Variants in ZFYVE9 observed in about 807,000 individuals in gnomAD.
ZFYVE9 encodes zinc finger FYVE domain-containing protein 9.
In ZFYVE9, 43 loss-of-function variants were observed where a neutral mutation model predicts 126.7. The observed-to-expected ratio is 0.34, with a 90% CI of 0.27 to 0.44. ZFYVE9 has a LOEUF of 0.44. ZFYVE9 is among the 20% of genes least tolerant of loss of function. The probability of loss-of-function intolerance (pLI) is 1.00; values close to 1 mark genes in which losing one functional copy is unlikely to be tolerated. For missense variants in ZFYVE9, 1,476 were observed against 1,697.0 expected, an observed-to-expected ratio of 0.87 and a Z score of 2.29; for synonymous variants, 521 against 597.4, an observed-to-expected ratio of 0.87 and a Z score of 1.87.
At chr1:52,179,312 C>T (rs550365801) in intron 1 of ZFYVE9, among the ~76,000 whole-genome samples, 1 of 152,248 alleles carries the variant, frequency 6.6e-6, no homozygotes, top group Non-Finnish European at 1.5e-5. Context: ...GACAAGAGGT[C>T]ATGAGAGAGA....
At chr1:52,253,886 A>G (rs1203620787) in intron 4 of ZFYVE9, 10 of 1,154,760 alleles carry the variant, frequency 8.7e-6, no homozygotes, top group East Asian at 2.3e-5. Context: ...GATGAAAGCT[A>G]TACTCCAAGC....
intron 1 of ZFYVE9, among the ~76,000 whole-genome samples, chr1:52,214,258 C>G (rs1462227900): frequency 1.3e-5 from 2 of 152,088 alleles, no homozygotes; most frequent in African/African-American, 4.8e-5. Context: ...GAAACCCTTT[C>G]TCTACTAAAC....
intron 2 of ZFYVE9, 49 bp from the exon 3 acceptor site, chr1:52,233,122 A>G: frequency 1.2e-6 from 1 of 862,546 alleles, no homozygotes; most frequent in Non-Finnish European, 1.6e-6. Flanking sequence ...CTTAAGATTT[A>G]TAAATTATAT....
intron 3 of ZFYVE9, among the ~76,000 whole-genome samples, chr1:52,235,966 C>G (rs1292928369): frequency 6.6e-6 from 1 of 152,098 alleles, no homozygotes; most frequent in African/African-American, 2.4e-5. Context: ...GCCGGAGAAC[C>G]TTAACTGTTG....
At chr1:52,260,186 T>C (rs1470294291) in intron 4 of ZFYVE9, among the ~76,000 whole-genome samples, 37 of 152,054 alleles carry the variant, frequency 2.4e-4, no homozygotes. Flanking sequence ...TCACCACCGT[T>C]AGATATTATC....
intron 1 of ZFYVE9, among the ~76,000 whole-genome samples, chr1:52,193,430 G>T (rs184113298): frequency 2.7e-5 from 4 of 150,830 alleles, no homozygotes; most frequent in African/African-American, 7.3e-5. Flanking sequence ...CACATGGCCG[G>T]GTGTGGTGGC....
In ZFYVE9 at chr1:52,337,914, TGAC is replaced by T. The variant is rs779834684; in HGVS notation, c.3814_3816del (p.Asp1272del). ...ACATCCACATCCAGTGGGTGGATGA[TGAC>T]AAGAACGTTAGCAAGGGGTAAATGC... is the stretch of plus-strand genomic sequence containing the variant. On this transcript the variant is annotated inframe_deletion, in exon 16 of 19. Transcript: ENST00000287727. The T allele has an allele frequency of 6.2e-7, 1 of 1,614,090 alleles. No individual in the cohort carries two copies. The highest frequency in any genetic ancestry group is 8.5e-7 in the Non-Finnish European group (1 of 1,180,046).
Position 52,238,071 on chromosome 1 carries a change from A to G in ZFYVE9, c.654A>G (p.Arg218=). ...NSEKQMDPLN[R]PKTEGRSVNH... ...AGAAACAAATGGATCCATTGAATAG[A>G]CCGAAAACAGAGGGGAGATCTGTTA... Residue 218 remains arginine (R), a synonymous_variant, in exon 4 of 19, where the codon AGA becomes AGG. Coordinates refer to ENST00000287727, the MANE Select transcript of ZFYVE9 (RefSeq NM_004799.4). The G allele has an allele frequency of 6.2e-7, 1 of 1,614,034 alleles. No individual in the cohort carries two copies. Among genetic ancestry groups the G allele is most frequent in the South Asian group, 1.1e-5 (1 of 91,084 alleles).
intron 1 of ZFYVE9, among the ~76,000 whole-genome samples, chr1:52,186,956 C>G (rs1175437997): frequency 6.6e-6 from 1 of 151,970 alleles, no homozygotes; most frequent in African/African-American, 2.4e-5. Context: ...CTACACAGAA[C>G]TAGAAAAAAA....
In ZFYVE9 at chr1:52,295,924, T is replaced by C; in HGVS notation, c.3280T>C (p.Phe1094Leu). The C allele has an allele frequency of 1.9e-6, 3 of 1,613,844 alleles. No homozygotes were observed. Among genetic ancestry groups the C allele is most frequent in the Non-Finnish European group, 2.5e-6 (3 of 1,179,856 alleles). ...TCCATGCCCACTATTCAGTGTCAGATTTCGGAAGCCATTGTTTGGAGAGAC... is the reference window on the plus strand; with the variant it reads ...TCCATGCCCACTATTCAGTGTCAGACTTCGGAAGCCATTGTTTGGAGAGAC... ...LYPCPLFSVR[F>L]RKPLFGETGH... Residue 1094 changes from phenylalanine (F) to leucine (L), a missense_variant, in exon 12 of 19, where the codon TTT becomes CTT. Phe to Leu is a conservative substitution (Grantham distance 22, BLOSUM62 0). Around this residue, in one of 2 missense-constraint regions of ZFYVE9, gnomAD observed 669 missense variants for 902.4 expected, o/e 0.74. Transcript: ENST00000287727.
rs35308713 is a variant in ZFYVE9 at position 52,323,895 on chromosome 1, C to CAAAAAAAA, written c.3439-8863_3439-8856dup. Among the ~76,000 whole-genome samples the CAAAAAAAA allele has an allele frequency of 1.6e-5, 2 of 126,098 alleles. 1 individual carries two copies. 82.7% of individuals were successfully genotyped at this position (126,098 alleles called of 152,430 possible). On this transcript the variant is annotated intron_variant, in intron 13 of 18. Transcript: ENST00000287727. ...GGTGAAACCCCGTCTCTACTAAATA[C>CAAAAAAAA]AAAAAAAAAAAAAAAAAGCCAGGCG...
chr1:52,168,214 CTTTT>C (rs139943554), intron 1 of ZFYVE9, among the ~76,000 whole-genome samples: 106 of 115,010 alleles, frequency 9.2e-4, no homozygotes, highest in African/African-American at 3.5e-3. Context: ...TCTTCGTCTT[CTTTT>C]TTTTTTTTTT....
At chr1:52,177,946 T>G (rs1572076982) in intron 1 of ZFYVE9, among the ~76,000 whole-genome samples, 3 of 151,108 alleles carry the variant, frequency 2.0e-5, no homozygotes, top group Admixed American at 1.3e-4. Flanking sequence ...GTAGTTTTGT[T>G]TTTTTTTTTT....
chr1:52,335,963 A>G (rs1646384711), intron 15 of ZFYVE9, among the ~76,000 whole-genome samples: 1 of 152,108 alleles, frequency 6.6e-6, no homozygotes, highest in Admixed American at 6.5e-5. Context: ...GTGAAACCCC[A>G]TCTCAACTAA....
At chr1:52,227,199 G>T (rs970860724) in intron 2 of ZFYVE9, among the ~76,000 whole-genome samples, 1 of 152,260 alleles carries the variant, frequency 6.6e-6, no homozygotes, top group African/African-American at 2.4e-5. Flanking sequence ...TTTCTCTTCA[G>T]TTGAGGGTGG....
At chr1:52,276,241 T>C (rs866235178) in intron 8 of ZFYVE9, among the ~76,000 whole-genome samples, 106 of 152,302 alleles carry the variant, frequency 7.0e-4, no homozygotes, top group African/African-American at 2.4e-3. Flanking sequence ...TCAGCCTGTC[T>C]TTCTAGCCAT....
At chr1:52,329,485 G>A (rs564779023) in intron 13 of ZFYVE9, among the ~76,000 whole-genome samples, 141 of 152,260 alleles carry the variant, frequency 9.3e-4, no homozygotes, top group African/African-American at 3.3e-3. Flanking sequence ...AAAAAAAATA[G>A]ATGAATTGGA....
intron 4 of ZFYVE9, among the ~76,000 whole-genome samples, chr1:52,259,942 TTTAA>T (rs1351018401): frequency 3.3e-5 from 5 of 152,224 alleles, no homozygotes; most frequent in Non-Finnish European, 7.3e-5. Context: ...TATACTGCAG[TTTAA>T]TTAGCTGTTA....
At chr1:52,266,901 TTACAG>T (rs762249117) in intron 6 of ZFYVE9, 70 bp downstream of exon 6, 41 of 1,407,390 alleles carry the variant, frequency 2.9e-5, no homozygotes, top group Non-Finnish European at 3.6e-5. Flanking sequence ...TGATATGACT[TTACAG>T]CACAAGTCTT....
Sources: allele counts gnomAD v4.1 joint callset (sites outside exome capture counted in the v4.1 genomes callset), GRCh38; gene constraint gnomAD v4.1.1; regional missense constraint gnomAD v4.1.1; transcripts MANE v1.5; gene names NCBI Gene and HGNC (gene_info 2026-07-23, HGNC 2026-07-21).